CNTN4: variants seen among roughly 807,000 people sequenced by gnomAD.
The protein encoded by CNTN4 is contactin 4.
In CNTN4, 77 loss-of-function variants were observed where a neutral mutation model predicts 122.5. That is an observed-to-expected ratio of 0.63 (90% CI 0.52 to 0.76). The LOEUF (loss-of-function observed/expected upper bound fraction) is 0.76, where lower values mean the gene tolerates loss of function less well. Ranked by LOEUF, CNTN4 falls within the 30% of genes least tolerant of loss-of-function variation. CNTN4 has a pLI of 0.00. For synonymous variants in CNTN4, 512 were observed against 447.0 expected (o/e 1.15, Z -1.83); for missense variants, 1,256 against 1,259.1 (o/e 1.00, Z 0.04).
intron 19 of CNTN4, 90 bp downstream of exon 19, chr3:3,039,093 CCT>C (rs1185858475): frequency 5.5e-5 from 63 of 1,148,810 alleles, no homozygotes; most frequent in Admixed American, 1.2e-4. Flanking sequence ...GAAGTTTCCT[CCT>C]CTGTTTTTAA....
At chr3:2,150,142 C>T (rs1208468636) in intron 2 of CNTN4, among the ~76,000 whole-genome samples, 5 of 152,118 alleles carry the variant, frequency 3.3e-5, no homozygotes, top group Non-Finnish European at 7.3e-5. Flanking sequence ...CTTTAAGAAG[C>T]ATTTACCACA....
intron 5 of CNTN4, among the ~76,000 whole-genome samples, chr3:2,743,329 A>G (rs533076300): frequency 6.6e-6 from 1 of 152,274 alleles, no homozygotes; most frequent in South Asian, 2.1e-4. Flanking sequence ...TAGAGCTGCT[A>G]GAATATAACC....
At chr3:2,192,050 G>T (rs1165063252) in intron 2 of CNTN4, among the ~76,000 whole-genome samples, 5 of 151,780 alleles carry the variant, frequency 3.3e-5, no homozygotes, top group African/African-American at 7.3e-5. Flanking sequence ...CCCTACAAAG[G>T]ACATGAACTC....
chr3:2,948,333 C>G (rs1363085936), intron 13 of CNTN4, among the ~76,000 whole-genome samples: 2 of 152,110 alleles, frequency 1.3e-5, no homozygotes, highest in Non-Finnish European at 2.9e-5. Context: ...AAGGAGGGAA[C>G]TGAAGTTTGT....
chr3:2,554,589 G>A (rs759404050), intron 3 of CNTN4, among the ~76,000 whole-genome samples: 12 of 152,128 alleles, frequency 7.9e-5, no homozygotes, highest in Admixed American at 1.3e-4. Context: ...TCTTGTAAGT[G>A]GGTAGGTAGT....
intron 4 of CNTN4, among the ~76,000 whole-genome samples, chr3:2,692,013 C>A (rs973929856): frequency 6.6e-6 from 1 of 152,154 alleles, no homozygotes; most frequent in Admixed American, 6.6e-5. Flanking sequence ...AATGTCAACA[C>A]CCTGCGTCCT....
At chr3:2,655,172 C>G (rs1357055019) in intron 4 of CNTN4, among the ~76,000 whole-genome samples, 1 of 152,156 alleles carries the variant, frequency 6.6e-6, no homozygotes. Flanking sequence ...CCTCCTCCCT[C>G]CAGTGTGATA....
At chr3:2,520,016 G>A (rs1396185876) in intron 3 of CNTN4, among the ~76,000 whole-genome samples, 2 of 151,878 alleles carry the variant, frequency 1.3e-5, no homozygotes, top group Non-Finnish European at 2.9e-5. Context: ...ACCCTAATAT[G>A]TTTCATTCAT....
chr3:2,105,344 A>C (rs928107774), intron 2 of CNTN4, among the ~76,000 whole-genome samples: 3 of 152,204 alleles, frequency 2.0e-5, no homozygotes. Context: ...GGCTATGCCT[A>C]AAGTGAGTTA....
At chr3:3,005,433 T>C (rs1200690204) in intron 14 of CNTN4, among the ~76,000 whole-genome samples, 1 of 152,256 alleles carries the variant, frequency 6.6e-6, no homozygotes, top group East Asian at 1.9e-4. Flanking sequence ...TTCAGCTAAA[T>C]ATCCAGTGTC....
At chr3:3,036,935 G>A (rs1699666959) in intron 17 of CNTN4, among the ~76,000 whole-genome samples, 1 of 152,188 alleles carries the variant, frequency 6.6e-6, no homozygotes, top group Non-Finnish European at 1.5e-5. Context: ...GGGTCTTGTG[G>A]ACTGTGTGTC....
chr3:2,154,909 G>A (rs1477375018), intron 2 of CNTN4, among the ~76,000 whole-genome samples: 3 of 152,180 alleles, frequency 2.0e-5, no homozygotes, highest in Admixed American at 6.5e-5. Context: ...CCTGCCCAGA[G>A]AAAAAAGTGC....
intron 4 of CNTN4, among the ~76,000 whole-genome samples, chr3:2,612,141 AC>A (rs2081525261): frequency 4.9e-5 from 7 of 143,420 alleles, no homozygotes; most frequent in Non-Finnish European, 1.1e-4. Context: ...CACACACACA[AC>A]AGACAGAGAT....
At chr3:2,405,587 A>ATAGATAGG (rs201464752) in intron 3 of CNTN4, among the ~76,000 whole-genome samples, 2,635 of 127,618 alleles carry the variant, frequency 0.021, 31 homozygotes, top group Non-Finnish European at 0.029. Context: ...CCATACTGTT[A>ATAGATAGG]TAGATAGGTA....
chr3:2,264,080 G>C (rs2040946019), intron 2 of CNTN4, among the ~76,000 whole-genome samples: 1 of 152,166 alleles, frequency 6.6e-6, no homozygotes, highest in Non-Finnish European at 1.5e-5. Flanking sequence ...AAGCACGGCA[G>C]TGCAGATATC....
At chr3:2,191,136 G>A (rs960882357) in intron 2 of CNTN4, among the ~76,000 whole-genome samples, 7 of 151,928 alleles carry the variant, frequency 4.6e-5, no homozygotes, top group Non-Finnish European at 7.4e-5. Context: ...GTCTTGCTAT[G>A]TTGCCCAGGC....
intron 4 of CNTN4, among the ~76,000 whole-genome samples, chr3:2,587,263 A>G (rs567192044): frequency 1.3e-5 from 2 of 152,288 alleles, no homozygotes; most frequent in East Asian, 3.9e-4. Context: ...ACCAAATTAA[A>G]CTCACATCTT....
chr3:2,319,670 T>C lies in CNTN4; in HGVS notation c.-144-19508T>C, dbSNP rs957915736. Among the ~76,000 whole-genome samples the C allele has an allele frequency of 2.8e-4, 42 of 152,236 alleles. 1 individual carries two copies. The highest frequency in any genetic ancestry group is 1.5e-4 in the Non-Finnish European group (10 of 68,046). On this transcript the variant is annotated intron_variant, in intron 2 of 24. Coordinates refer to ENST00000418658, the MANE Select transcript of CNTN4 (RefSeq NM_175607.3). ...TACTTTACTGTAAGAATAATGCATA[T>C]AAGATACAAAATATGTGTTGACTGT...
rs543906130 is a variant in CNTN4, at chr3:2,572,937, C to T, written c.55+1379C>T. 2.1e-4 allele frequency among the ~76,000 whole-genome samples: 32 copies of T among 152,248 alleles called. No homozygotes were observed. In the South Asian group the frequency reaches 3.5e-3, roughly 17 times the overall value. On this transcript the variant is annotated intron_variant, in intron 4 of 24. Coordinates refer to ENST00000418658, the MANE Select transcript of CNTN4 (RefSeq NM_175607.3). ...TCTATGCTAGGCAATATGCTAAGCA[C>T]GTGGTATCCTTTATCCAATTTCTTT...
Sources: gnomAD v4.1 joint callset for allele counts (sites outside exome capture counted in the v4.1 genomes callset) on GRCh38, gnomAD v4.1.1 for gene constraint, MANE v1.5 for transcripts, NCBI Gene and HGNC (gene_info 2026-07-23, HGNC 2026-07-21) for gene names.